GREB1L: variants seen among roughly 807,000 people sequenced by gnomAD.
GREB1L encodes the protein GREB1-like protein.
GREB1L carries 17 observed loss-of-function variants against 200.8 expected under a neutral mutation model. That is an observed-to-expected ratio of 0.08 (90% CI 0.06 to 0.13). The LOEUF (loss-of-function observed/expected upper bound fraction) is 0.13, where lower values mean the gene tolerates loss of function less well. Among genes scored for constraint, GREB1L ranks in the 10% least tolerant of loss-of-function variants. GREB1L has a pLI of 1.00. For synonymous variants in GREB1L, 789 were observed against 893.0 expected (o/e 0.88, Z 2.08); for missense variants, 1,657 against 2,367.7 (o/e 0.70, Z 6.23).
intron 21 of GREB1L, among the ~76,000 whole-genome samples, chr18:21,497,799 T>A (rs2036604017): frequency 7.6e-6 from 1 of 131,270 alleles, no homozygotes; most frequent in Non-Finnish European, 1.6e-5. Flanking sequence ...TGCCCCTCCT[T>A]CTCCCCTCAC....
At chr18:21,510,542 T>A (rs971861305) in intron 27 of GREB1L, among the ~76,000 whole-genome samples, 2 of 152,246 alleles carry the variant, frequency 1.3e-5, no homozygotes, top group African/African-American at 4.8e-5. Context: ...AAAGGCTGAA[T>A]AATATTCCAT....
At chr18:21,480,144 A>G (rs2145757513) in intron 17 of GREB1L, among the ~76,000 whole-genome samples, 1 of 152,306 alleles carries the variant, frequency 6.6e-6, no homozygotes, top group East Asian at 1.9e-4. Context: ...TGAGGTCGGG[A>G]GTTCGAGACC....
At chr18:21,392,224 A>G (rs1024168085) in intron 4 of GREB1L, among the ~76,000 whole-genome samples, 1 of 152,224 alleles carries the variant, frequency 6.6e-6, no homozygotes, top group Non-Finnish European at 1.5e-5. Flanking sequence ...TAATCTATAT[A>G]GTATTTAGCA....
At position 21,525,012 on chromosome 18, in the gene GREB1L, G is replaced by GTGTATATATATATATATATATATATATA. The variant is rs55641891; in HGVS notation, c.*2192_*2193insGTATATATATATATATATATATATATAT. 19 of 145,176 alleles carry GTGTATATATATATATATATATATATATA rather than the reference G, an allele frequency of 1.3e-4. No homozygotes were observed. The highest frequency in any genetic ancestry group is 2.1e-4 in the Admixed American group (3 of 14,604). The allele number at this position is 145,176 out of a possible 1,614,324, so 9.0% of individuals were successfully genotyped here. A position where few individuals can be genotyped will look rare whatever the true frequency, so the allele number is the denominator to read the frequency against. On this transcript the variant is annotated 3_prime_UTR_variant, in exon 33 of 33. Transcript: ENST00000424526. ...AAGCACAGGACACCATGATTTGTGTGTATATATATATATATCCTAGTGTGT... is the reference window on the plus strand; with the variant it reads ...AAGCACAGGACACCATGATTTGTGTGTGTATATATATATATATATATATATATATATATATATATATATCCTAGTGTGT...
intron 1 of GREB1L, among the ~76,000 whole-genome samples, chr18:21,305,783 A>T (rs1459889122): frequency 6.6e-6 from 1 of 152,122 alleles, no homozygotes; most frequent in Non-Finnish European, 1.5e-5. Context: ...TTACTGTCTT[A>T]TCTCCTATCA....
rs576421029 is a variant in GREB1L, at chr18:21,275,854, G to T, written c.-120+33461G>T. Among the ~76,000 whole-genome samples the T allele has an allele frequency of 6.6e-5, 10 of 152,278 alleles. No individual in the cohort carries two copies. The South Asian group carries it at 2.1e-3, about 32-fold the overall frequency. On this transcript the variant is annotated intron_variant, in intron 1 of 32. Transcript: ENST00000424526. ...GTTCACTTGCATATCGTCTCTGACTGCATTTGAGCTACAGTGACGGAGTTG... is the reference window on the plus strand; with the variant it reads ...GTTCACTTGCATATCGTCTCTGACTTCATTTGAGCTACAGTGACGGAGTTG...
In GREB1L at chr18:21,490,255, G is replaced by A. The variant is rs1484369902; in HGVS notation, c.2934G>A (p.Val978=). 1 of 1,551,644 alleles carries A rather than the reference G, an allele frequency of 6.4e-7. No homozygotes were observed. The highest frequency in any genetic ancestry group is 8.7e-7 in the Non-Finnish European group (1 of 1,147,036). ...AMLAKERLQE[V]RDKLGLQYRF... is the part of the protein sequence containing the mutation. ...TAGCCAAGGAGCGGCTACAGGAGGT[G>A]CGCGACAAACTGGGTCTGCAGTATC... Residue 978 remains valine, a synonymous_variant, in exon 19 of 33, where the codon GTG becomes GTA. Coordinates refer to ENST00000424526, the MANE Select transcript of GREB1L (RefSeq NM_001142966.3).
chr18:21,454,691 G>C, intron 15 of GREB1L, 128 bp downstream of exon 15: 1 of 764,422 alleles, frequency 1.3e-6, no homozygotes. Context: ...AATCATAAAA[G>C]CACTTTGTTA....
intron 11 of GREB1L, among the ~76,000 whole-genome samples, chr18:21,449,223 A>G (rs2145397753): frequency 6.6e-6 from 1 of 152,342 alleles, no homozygotes; most frequent in African/African-American, 2.4e-5. Flanking sequence ...GAGGGCATAC[A>G]GTGGAATTAA....
In GREB1L at chr18:21,500,030, G is replaced by A. The variant is rs2036714684; in HGVS notation, c.3693G>A (p.Val1231=). The change falls in exon 22 of 33, where the codon GTG becomes GTA. Residue 1231 remains valine (V), a synonymous_variant. Transcript: ENST00000424526. ...GCCCACAGGCAGCCCTGCCACCAGTGGTGATCCTATCCAAAGCGGCCTACA... is the reference window on the plus strand; with the variant it reads ...GCCCACAGGCAGCCCTGCCACCAGTAGTGATCCTATCCAAAGCGGCCTACA... ...CRGPQAALPP[V]VILSKAAYSL... 2 of 1,551,472 alleles carry A rather than the reference G, an allele frequency of 1.3e-6. No individual in the cohort carries two copies. The highest frequency in any genetic ancestry group is 8.7e-7 in the Non-Finnish European group (1 of 1,147,010).
intron 1 of GREB1L, among the ~76,000 whole-genome samples, chr18:21,340,680 T>C (rs1273839674): frequency 1.3e-5 from 2 of 151,778 alleles, no homozygotes; most frequent in Non-Finnish European, 2.9e-5. Flanking sequence ...GTAGCTGGGA[T>C]TACAGGCGCA....
At chr18:21,491,926 TATAGTC>T (rs773790179) in intron 19 of GREB1L, among the ~76,000 whole-genome samples, 6 of 152,128 alleles carry the variant, frequency 3.9e-5, no homozygotes, top group Non-Finnish European at 7.4e-5. Context: ...AATTTTATGT[TATAGTC>T]ATAGACTACA....
intron 1 of GREB1L, among the ~76,000 whole-genome samples, chr18:21,248,095 G>A (rs1381833007): frequency 6.6e-6 from 1 of 152,198 alleles, no homozygotes; most frequent in Non-Finnish European, 1.5e-5. Flanking sequence ...ATTATTAGCT[G>A]CTATTTGTCT....
chr18:21,375,255 G>A lies in GREB1L; in HGVS notation c.-9-8255G>A, dbSNP rs1034447886. 4.6e-5 allele frequency among the ~76,000 whole-genome samples: 7 copies of A among 151,732 alleles called. No individual in the cohort carries two copies. In the South Asian group the frequency reaches 8.3e-4, roughly 18 times the overall value. ...AATTTTTGTATTTTTAGTAGAGACG[G>A]GTTTCACCATCTTGGCCAGGCTGGT... On this transcript the variant is annotated intron_variant, in intron 2 of 32. Coordinates refer to ENST00000424526, the MANE Select transcript of GREB1L (RefSeq NM_001142966.3).
chr18:21,452,566 CAG>C, intron 14 of GREB1L: 1 of 200,532 alleles, frequency 5.0e-6, no homozygotes. Flanking sequence ...AGTCAGACTA[CAG>C]GCAGTGCAGG....
chr18:21,462,481 G>A, intron 15 of GREB1L, among the ~76,000 whole-genome samples: 1 of 152,158 alleles, frequency 6.6e-6, no homozygotes, highest in East Asian at 1.9e-4. Context: ...GTGGAGTCTT[G>A]CTCTGTCACC....
chr18:21,332,164 AGGGTCAT>A (rs1168142857), intron 1 of GREB1L, among the ~76,000 whole-genome samples: 3 of 152,246 alleles, frequency 2.0e-5, no homozygotes, highest in African/African-American at 7.2e-5. Flanking sequence ...TAACTGACCC[AGGGTCAT>A]AAATATGAAG....
chr18:21,382,376 T>C (rs11873003), intron 2 of GREB1L, among the ~76,000 whole-genome samples: 24,293 of 151,976 alleles, frequency 0.16, 4,330 homozygotes, highest in African/African-American at 0.44. Flanking sequence ...GTTTTGACTT[T>C]GTGGACCATC....
At chr18:21,389,838 A>G (rs1403119726) in intron 4 of GREB1L, among the ~76,000 whole-genome samples, 3 of 152,188 alleles carry the variant, frequency 2.0e-5, no homozygotes, top group Non-Finnish European at 4.4e-5. Flanking sequence ...GACACAGTCA[A>G]TGGCTGGCAG....
Sources: allele counts gnomAD v4.1 joint callset (sites outside exome capture counted in the v4.1 genomes callset), GRCh38; gene constraint gnomAD v4.1.1; transcripts MANE v1.5; gene names NCBI Gene and HGNC (gene_info 2026-07-23, HGNC 2026-07-21).